Variants in ANKFN1 observed in about 807,000 individuals in gnomAD.
The protein encoded by ANKFN1 is ankyrin repeat and fibronectin type III domain containing 1.
ANKFN1 carries 74 observed loss-of-function variants against 108.7 expected under a neutral mutation model. The ratio of observed to expected loss-of-function variants is 0.68; its 90% CI spans 0.56 to 0.83. ANKFN1 has a LOEUF of 0.83. Among genes scored for constraint, ANKFN1 ranks in the 40% least tolerant of loss-of-function variants. The probability of loss-of-function intolerance (pLI) is 0.00; values close to 1 mark genes in which losing one functional copy is unlikely to be tolerated. For synonymous variants in ANKFN1, 547 were observed against 516.2 expected, an observed-to-expected ratio of 1.06 and a Z score of -0.81; for missense variants, 1,505 against 1,382.3, an observed-to-expected ratio of 1.09 and a Z score of -1.41.
chr17:56,203,867 A>G (rs888924099), intron 1 of ANKFN1, among the ~76,000 whole-genome samples: 1 of 152,284 alleles, frequency 6.6e-6, no homozygotes, highest in African/African-American at 2.4e-5. Flanking sequence ...ATCTATTTTT[A>G]TTAAAAAAAG....
chr17:56,053,049 T>C, intron 4 of ANKFN1, among the ~76,000 whole-genome samples: 1 of 152,172 alleles, frequency 6.6e-6, no homozygotes. Context: ...CTAGTAATAA[T>C]AATAATAACA....
At chr17:56,385,266 T>C (rs1253164337) in intron 8 of ANKFN1, among the ~76,000 whole-genome samples, 1 of 152,194 alleles carries the variant, frequency 6.6e-6, no homozygotes, top group Non-Finnish European at 1.5e-5. Flanking sequence ...TGGCTAGCCA[T>C]ATGTAGAAAG....
chr17:56,299,032 G>T (rs900849625), intron 3 of ANKFN1, among the ~76,000 whole-genome samples: 3 of 152,216 alleles, frequency 2.0e-5, no homozygotes, highest in Non-Finnish European at 4.4e-5. Flanking sequence ...AGGCTATGTT[G>T]TGCAAAAACG....
At chr17:56,221,140 A>G (rs1358117091) in intron 2 of ANKFN1, among the ~76,000 whole-genome samples, 3 of 152,104 alleles carry the variant, frequency 2.0e-5, no homozygotes, top group Non-Finnish European at 4.4e-5. Context: ...GAGAGCATAA[A>G]GATGCCACAC....
chr17:56,246,736 T>TA lies in ANKFN1; in HGVS notation c.53+18789dup, dbSNP rs971272288. Among the ~76,000 whole-genome samples, 189 of 149,282 alleles carry TA rather than the reference T, an allele frequency of 1.3e-3. 1 individual carries two copies. Among genetic ancestry groups the TA allele is most frequent in the Non-Finnish European group, 1.9e-3 (129 of 67,072 alleles). On this transcript the variant is annotated intron_variant, in intron 3 of 20. Transcript: ENST00000682825. ...GAAACTTCACATTTTCAATTAGATT[T>TA]AAAAAAAAAACGCAGGCCATTTCCT...
chr17:56,349,819 A>G (rs992724505), intron 4 of ANKFN1, among the ~76,000 whole-genome samples: 2 of 152,312 alleles, frequency 1.3e-5, no homozygotes, highest in Admixed American at 6.5e-5. Context: ...GTGAGAAGGC[A>G]GTGACATGCT....
chr17:56,162,094 T>C (rs1909708559), intron 1 of ANKFN1, among the ~76,000 whole-genome samples: 1 of 152,160 alleles, frequency 6.6e-6, no homozygotes, highest in Admixed American at 6.5e-5. Context: ...CCCCCAAGTG[T>C]AGTCAGGGCA....
intron 3 of ANKFN1, among the ~76,000 whole-genome samples, chr17:56,259,006 A>G (rs2043433864): frequency 6.6e-6 from 1 of 152,214 alleles, no homozygotes; most frequent in South Asian, 2.1e-4. Flanking sequence ...AGTATTAGAG[A>G]TATAAAGTGT....
intron 4 of ANKFN1, among the ~76,000 whole-genome samples, chr17:56,131,958 C>T (rs1907310362): frequency 6.6e-6 from 1 of 152,194 alleles, no homozygotes; most frequent in South Asian, 2.1e-4. Flanking sequence ...CAAATGTGTA[C>T]TCTAACTTAA....
chr17:56,445,595 A>T (rs1255779391), intron 10 of ANKFN1, among the ~76,000 whole-genome samples: 1 of 152,252 alleles, frequency 6.6e-6, no homozygotes, highest in Non-Finnish European at 1.5e-5. Flanking sequence ...ACTCCTATTT[A>T]TAAACAGAGT....
At chr17:56,200,320 GA>G (rs767401139) in intron 1 of ANKFN1, among the ~76,000 whole-genome samples, 1 of 152,196 alleles carries the variant, frequency 6.6e-6, no homozygotes, top group Non-Finnish European at 1.5e-5. Flanking sequence ...CATGAGCACT[GA>G]AATGGAATCA....
chr17:56,068,292 A>C (rs1196955792), intron 4 of ANKFN1, among the ~76,000 whole-genome samples: 1 of 152,120 alleles, frequency 6.6e-6, no homozygotes, highest in East Asian at 1.9e-4. Context: ...TGATGGAACT[A>C]TTTACAAAGG....
chr17:56,346,404 A>AT (rs937928243), intron 4 of ANKFN1, among the ~76,000 whole-genome samples: 1 of 151,788 alleles, frequency 6.6e-6, no homozygotes, highest in Non-Finnish European at 1.5e-5. Flanking sequence ...AATTTAAATT[A>AT]TTTTTTTCTA....
intron 1 of ANKFN1, among the ~76,000 whole-genome samples, chr17:56,180,280 C>T (rs1379462088): frequency 6.6e-6 from 1 of 152,172 alleles, no homozygotes; most frequent in African/African-American, 2.4e-5. Flanking sequence ...GCAGACCTGC[C>T]ATTCTTTGTT....
Position 56,516,055 on chromosome 17 carries a change from C to T in ANKFN1, c.*4786C>T, listed in dbSNP as rs777422900. On this transcript the variant is annotated 3_prime_UTR_variant, in exon 21 of 21. Coordinates refer to ENST00000682825, the MANE Select transcript of ANKFN1 (RefSeq NM_001370326.1). ...TTAGTTAAGGCTCTTTGCTCCTCTTCCTGCAGTCCATGCCATGAAAGTCTG... is the reference window on the plus strand; with the variant it reads ...TTAGTTAAGGCTCTTTGCTCCTCTTTCTGCAGTCCATGCCATGAAAGTCTG... 6.6e-6 allele frequency among the ~76,000 whole-genome samples: 1 copy of T among 152,160 alleles called. No homozygotes were observed. The highest frequency in any genetic ancestry group is 6.5e-5 in the Admixed American group (1 of 15,274).
chr17:56,258,873 T>A (rs1424099559), intron 3 of ANKFN1, among the ~76,000 whole-genome samples: 1 of 152,114 alleles, frequency 6.6e-6, no homozygotes, highest in Non-Finnish European at 1.5e-5. Context: ...ATCGGGCCAC[T>A]GCACTCTGGC....
intron 15 of ANKFN1, among the ~76,000 whole-genome samples, chr17:56,467,802 GA>G (rs780533881): frequency 0.12 from 3,754 of 30,720 alleles, 205 homozygotes; most frequent in African/African-American, 0.26. Context: ...AAGAAAGAAA[GA>G]AAGAAAGAAA....
At chr17:56,155,521 G>A (rs1451704538) in intron 1 of ANKFN1, among the ~76,000 whole-genome samples, 1 of 152,188 alleles carries the variant, frequency 6.6e-6, no homozygotes, top group African/African-American at 2.4e-5. Flanking sequence ...TGGATAGCGT[G>A]GTCAGGAAGG....
intron 1 of ANKFN1, among the ~76,000 whole-genome samples, chr17:56,166,384 C>T (rs1210389878): frequency 6.6e-6 from 1 of 152,124 alleles, no homozygotes; most frequent in East Asian, 1.9e-4. Context: ...TTGGCTTTTT[C>T]CCACTGAGCG....
Sources: allele counts gnomAD v4.1 joint callset (sites outside exome capture counted in the v4.1 genomes callset), GRCh38; gene constraint gnomAD v4.1.1; transcripts MANE v1.5; gene names NCBI Gene and HGNC (gene_info 2026-07-23, HGNC 2026-07-21).